TRIM9: variants seen among roughly 807,000 people sequenced by gnomAD.
The protein encoded by TRIM9 is tripartite motif containing 9, also known as E3 ubiquitin-protein ligase TRIM9.
A neutral mutation model predicts 78.3 loss-of-function variants in TRIM9; 26 were observed. The observed-to-expected ratio is 0.33, with a 90% CI of 0.24 to 0.46. The LOEUF (loss-of-function observed/expected upper bound fraction) is 0.46. Among genes scored for constraint, TRIM9 ranks in the 20% least tolerant of loss-of-function variants. The probability of loss-of-function intolerance (pLI) is 1.00; values close to 1 mark genes in which losing one functional copy is unlikely to be tolerated. For missense variants in TRIM9, 787 were observed against 1,036.4 expected (o/e 0.76, Z 3.30); for synonymous variants, 398 against 416.5 (o/e 0.96, Z 0.54).
chr14:50,979,818 G>T (rs1382191539), intron 11 of TRIM9, among the ~76,000 whole-genome samples: 1 of 152,130 alleles, frequency 6.6e-6, no homozygotes, highest in Non-Finnish European at 1.5e-5. Context: ...TTCCTAGGGG[G>T]AGATATCTGC....
chr14:50,999,048 G>A (rs1441122982), intron 6 of TRIM9, among the ~76,000 whole-genome samples: 1 of 152,168 alleles, frequency 6.6e-6, no homozygotes, highest in Non-Finnish European at 1.5e-5. Context: ...AACTTTACGT[G>A]CATATGAATC....
intron 6 of TRIM9, 98 bp from the exon 7 acceptor site, chr14:50,998,286 G>T: frequency 1.7e-6 from 2 of 1,168,692 alleles, no homozygotes; most frequent in Non-Finnish European, 2.5e-6. Flanking sequence ...GAGCCCTGGT[G>T]TCATTCTAAT....
chr14:50,997,895 A>G (rs1043252026), intron 7 of TRIM9, 155 bp downstream of exon 7: 1 of 1,466,422 alleles, frequency 6.8e-7, no homozygotes, highest in African/African-American at 1.4e-5. Flanking sequence ...AGGCTCTCTA[A>G]AGGCAGGAGA....
At chr14:50,986,900 C>T (rs1205290661) in intron 7 of TRIM9, among the ~76,000 whole-genome samples, 2 of 152,052 alleles carry the variant, frequency 1.3e-5, no homozygotes, top group Non-Finnish European at 2.9e-5. Flanking sequence ...TCAGGTTTGG[C>T]CTGAAGATAA....
chr14:51,094,353 C>A lies in TRIM9; in HGVS notation c.587G>T (p.Arg196Leu). 1 of 1,613,606 alleles carries A rather than the reference C, an allele frequency of 6.2e-7. No homozygotes were observed. The highest frequency in any genetic ancestry group is 8.5e-7 in the Non-Finnish European group (1 of 1,179,874). The change falls in exon 1 of 13, where the codon CGC becomes CTC. Residue 196 changes from arginine to leucine, a missense_variant. By Grantham distance (102) the Arg-to-Leu change is moderately radical (BLOSUM62 -2). Around this residue, in one of 3 missense-constraint regions of TRIM9, gnomAD observed 352 missense variants for 472.3 expected, o/e 0.75. Transcript: ENST00000684578. ...TAGGGGCCCCCGGGGCGGGTGGCAG[C>A]GCAGGCGGCACGGATCGCAGTAGAA... ...DVFYCDPCRLRCHPPRGPLAK... is the reference protein window; with the variant it reads ...DVFYCDPCRLLCHPPRGPLAK...
At chr14:51,020,852 G>T (rs1305110245) in intron 3 of TRIM9, among the ~76,000 whole-genome samples, 2 of 152,198 alleles carry the variant, frequency 1.3e-5, no homozygotes, top group African/African-American at 2.4e-5. Flanking sequence ...CTCCCATATA[G>T]AAAGGCTGGA....
chr14:51,074,915 C>T (rs950983590), intron 1 of TRIM9, among the ~76,000 whole-genome samples: 1 of 152,224 alleles, frequency 6.6e-6, no homozygotes, highest in African/African-American at 2.4e-5. Context: ...TCCTTTTGAT[C>T]TCACAATGTT....
chr14:51,002,433 T>C (rs1277364881), intron 5 of TRIM9, among the ~76,000 whole-genome samples: 1 of 152,146 alleles, frequency 6.6e-6, no homozygotes, highest in Non-Finnish European at 1.5e-5. Context: ...CGTGCCCGGC[T>C]GGGAACCATG....
At chr14:51,026,082 A>T (rs917772002) in intron 1 of TRIM9, among the ~76,000 whole-genome samples, 3 of 152,086 alleles carry the variant, frequency 2.0e-5, no homozygotes, top group African/African-American at 7.2e-5. Flanking sequence ...TCCGCTGGGG[A>T]GGCCGTGGTA....
rs557155334 is a variant in TRIM9 at position 51,080,999 on chromosome 14, G to T, written c.822+13119C>A. Among the ~76,000 whole-genome samples, 34 of 152,336 alleles carry T rather than the reference G, an allele frequency of 2.2e-4. No individual in the cohort carries two copies. The South Asian group carries it at 4.4e-3, about 19-fold the overall frequency. On this transcript the variant is annotated intron_variant, in intron 1 of 12. Transcript: ENST00000684578. ...ATGCAAAGAATTTGCAGTAGGTCGTGATAGGCCAGTCTTGATAAGATTTCC... is the reference window on the plus strand; with the variant it reads ...ATGCAAAGAATTTGCAGTAGGTCGTTATAGGCCAGTCTTGATAAGATTTCC...
intron 10 of TRIM9, 58 bp from the exon 11 acceptor site, chr14:50,982,161 T>G (rs990264753): frequency 1.3e-6 from 2 of 1,583,688 alleles, no homozygotes; most frequent in African/African-American, 2.7e-5. Context: ...CTCAGCACCA[T>G]AACATACTCC....
At chr14:51,053,115 G>C (rs915366412) in intron 1 of TRIM9, among the ~76,000 whole-genome samples, 1 of 150,314 alleles carries the variant, frequency 6.7e-6, no homozygotes, top group Non-Finnish European at 1.5e-5. Flanking sequence ...AGCCGAGATT[G>C]TGCCACTGCA....
chr14:51,001,749 CT>C lies in TRIM9; in HGVS notation c.1307-910del, dbSNP rs547063622. On this transcript the variant is annotated intron_variant, in intron 5 of 12. Coordinates refer to ENST00000684578, the MANE Select transcript of TRIM9 (RefSeq NM_001387360.1). ...GATCCAAGTGAGATCACAGTGATCTCTCCGTTTCAAAACTTCCGAGGAACCT... is the reference window on the plus strand; with the variant it reads ...GATCCAAGTGAGATCACAGTGATCTCCCGTTTCAAAACTTCCGAGGAACCT... Among the ~76,000 whole-genome samples, 4 of 152,200 alleles carry C rather than the reference CT, an allele frequency of 2.6e-5. No homozygotes were observed. The South Asian group carries it at 8.3e-4, about 32-fold the overall frequency.
At chr14:51,054,368 G>C (rs1341272914) in intron 1 of TRIM9, among the ~76,000 whole-genome samples, 1 of 152,266 alleles carries the variant, frequency 6.6e-6, no homozygotes, top group Non-Finnish European at 1.5e-5. Context: ...TGCCTCTCGG[G>C]CTCAAGCCAT....
intron 2 of TRIM9, 103 bp from the exon 3 acceptor site, chr14:51,023,060 C>T: frequency 6.8e-7 from 1 of 1,467,478 alleles, no homozygotes; most frequent in East Asian, 2.3e-5. Flanking sequence ...AAAAGGAACT[C>T]TGTCCACAAT....
intron 1 of TRIM9, among the ~76,000 whole-genome samples, chr14:51,031,091 T>A (rs1195644335): frequency 7.5e-6 from 1 of 133,626 alleles, no homozygotes; most frequent in Non-Finnish European, 1.5e-5. Context: ...GAGGTTGCAG[T>A]GAGCTGTGAT....
intron 5 of TRIM9, among the ~76,000 whole-genome samples, chr14:51,007,800 CAAA>C (rs3029461): frequency 0.011 from 1,466 of 132,796 alleles, 8 homozygotes; most frequent in Non-Finnish European, 0.013. Flanking sequence ...CATATTAAAC[CAAA>C]AAAAAAAAAA....
At chr14:50,991,922 C>T (rs2053560282) in intron 7 of TRIM9, among the ~76,000 whole-genome samples, 1 of 152,210 alleles carries the variant, frequency 6.6e-6, no homozygotes, top group South Asian at 2.1e-4. Flanking sequence ...AAGACTATTG[C>T]TGCTCCTTTG....
chr14:51,031,240 C>T (rs1173073348), intron 1 of TRIM9, among the ~76,000 whole-genome samples: 1 of 151,920 alleles, frequency 6.6e-6, no homozygotes, highest in Admixed American at 6.6e-5. Flanking sequence ...TCTGAGCCCT[C>T]TTCTTACCTA....
Sources: allele counts gnomAD v4.1 joint callset (sites outside exome capture counted in the v4.1 genomes callset), GRCh38; gene constraint gnomAD v4.1.1; regional missense constraint gnomAD v4.1.1; transcripts MANE v1.5; gene names NCBI Gene and HGNC (gene_info 2026-07-23, HGNC 2026-07-21).